The following ATP6V0D2 variants were observed in gnomAD, a reference collection of about 807,000 sequenced individuals.
ATP6V0D2 encodes the protein V-type proton ATPase subunit d 2.
In ATP6V0D2, 40 loss-of-function variants were observed where a neutral mutation model predicts 40.0. That is an observed-to-expected ratio of 1.00 (90% CI 0.78 to 1.30). The LOEUF (loss-of-function observed/expected upper bound fraction) is 1.30. ATP6V0D2 is among the 50% of genes most tolerant of loss of function. ATP6V0D2 has a pLI of 0.00. For missense variants in ATP6V0D2, 470 were observed against 423.1 expected (o/e 1.11, Z -0.97); for synonymous variants, 179 against 156.3 (o/e 1.15, Z -1.08).
chr8:86,115,356 CCATTT>C, intron 2 of ATP6V0D2, among the ~76,000 whole-genome samples: 1 of 106,184 alleles, frequency 9.4e-6, no homozygotes, highest in African/African-American at 4.3e-5. Flanking sequence ...TCCGTATCAT[CCATTT>C]TTTTTTTTTT....
At position 86,152,938 on chromosome 8, in the gene ATP6V0D2, G is replaced by T; in HGVS notation, c.1014G>T (p.Arg338Ser). The change falls in exon 8 of 8, where the codon AGG becomes AGT. Residue 338 changes from arginine to serine, a missense_variant. By Grantham distance (110) the Arg-to-Ser change is moderately radical (BLOSUM62 -1). Coordinates refer to ENST00000285393, the MANE Select transcript of ATP6V0D2 (RefSeq NM_152565.1). Reference protein sequence around the residue: ...IVWIAECISQRHRTKINSYIP... With the variant: ...IVWIAECISQSHRTKINSYIP... Reference sequence around the variant, plus strand: ...GGATAGCAGAATGTATTTCACAGAGGCATCGAACTAAAATCAACAGTTACA... The same window carrying T: ...GGATAGCAGAATGTATTTCACAGAGTCATCGAACTAAAATCAACAGTTACA... 6.2e-7 allele frequency: 1 copy of T among 1,608,298 alleles called. No individual in the cohort carries two copies. The highest frequency in any genetic ancestry group is 8.5e-7 in the Non-Finnish European group (1 of 1,177,928).
chr8:86,107,115 T>C (rs1248029667), intron 1 of ATP6V0D2, among the ~76,000 whole-genome samples: 1 of 151,960 alleles, frequency 6.6e-6, no homozygotes, highest in Non-Finnish European at 1.5e-5. Context: ...GAGATAAAAA[T>C]TCAGAATCCA....
chr8:86,132,272 T>G (rs866604861), intron 2 of ATP6V0D2, among the ~76,000 whole-genome samples: 6 of 152,126 alleles, frequency 3.9e-5, no homozygotes, highest in Admixed American at 6.5e-5. Flanking sequence ...AGTTATAGAA[T>G]GTGTAATGAT....
intron 5 of ATP6V0D2, among the ~76,000 whole-genome samples, chr8:86,149,077 C>CAAAAAAAAAA (rs1819109621): frequency 5.6e-5 from 2 of 35,748 alleles, no homozygotes; most frequent in Non-Finnish European, 5.9e-5. Flanking sequence ...AAAAAAAAAC[C>CAAAAAAAAAA]AATGAACAAG....
intron 5 of ATP6V0D2, among the ~76,000 whole-genome samples, chr8:86,144,578 C>G (rs1408196460): frequency 6.6e-6 from 1 of 152,136 alleles, no homozygotes; most frequent in African/African-American, 2.4e-5. Context: ...TAAAATTTTA[C>G]TTGGTTGATG....
At chr8:86,129,098 T>G (rs1818781730) in intron 2 of ATP6V0D2, among the ~76,000 whole-genome samples, 1 of 152,244 alleles carries the variant, frequency 6.6e-6, no homozygotes, top group Non-Finnish European at 1.5e-5. Flanking sequence ...TCCAAGGCAC[T>G]CTACGAGTGC....
At chr8:86,100,246 C>T (rs1346096071) in intron 1 of ATP6V0D2, among the ~76,000 whole-genome samples, 1 of 151,876 alleles carries the variant, frequency 6.6e-6, no homozygotes, top group African/African-American at 2.4e-5. Context: ...CCAAAGATTC[C>T]ACGTCTGTAA....
chr8:86,152,087 G>A (rs1367363975), intron 7 of ATP6V0D2, among the ~76,000 whole-genome samples: 6 of 150,762 alleles, frequency 4.0e-5, no homozygotes, highest in African/African-American at 1.2e-4. Flanking sequence ...TCCCCCCACC[G>A]ACAGGCCCCA....
chr8:86,151,755 C>CTTTTTTTTTT (rs564476016), intron 7 of ATP6V0D2, among the ~76,000 whole-genome samples: 1 of 85,516 alleles, frequency 1.2e-5, no homozygotes, highest in Non-Finnish European at 3.0e-5. Flanking sequence ...GCTTTTCTTT[C>CTTTTTTTTTT]TTTTTTTTTT....
chr8:86,139,664 G>T (rs1450508008), intron 3 of ATP6V0D2, 29 bp downstream of exon 3: 1 of 1,526,872 alleles, frequency 6.5e-7, no homozygotes, highest in Admixed American at 2.2e-5. Flanking sequence ...TTTTGTAGCT[G>T]CTTGTGTATG....
rs144338172 is a variant in ATP6V0D2, at chr8:86,103,374, G to A, written c.130+4266G>A. Reference sequence around the variant, plus strand: ...TCAAACTCCTAACCCCAGGTGATCCGCCTGCCTTGGCCTCCTAAAGTGCTG... The same window carrying A: ...TCAAACTCCTAACCCCAGGTGATCCACCTGCCTTGGCCTCCTAAAGTGCTG... On this transcript the variant is annotated intron_variant, in intron 1 of 7. Coordinates refer to ENST00000285393, the MANE Select transcript of ATP6V0D2 (RefSeq NM_152565.1). Among the ~76,000 whole-genome samples, 615 of 149,994 alleles carry A rather than the reference G, an allele frequency of 4.1e-3. 2 individuals are homozygous for A. Among genetic ancestry groups the A allele is most frequent in the African/African-American group, 0.014 (584 of 40,766 alleles).
chr8:86,124,923 A>G (rs988462091), intron 2 of ATP6V0D2, among the ~76,000 whole-genome samples: 1 of 152,188 alleles, frequency 6.6e-6, no homozygotes, highest in African/African-American at 2.4e-5. Context: ...ATGCTCAAAA[A>G]ATGTAGCTAA....
chr8:86,152,877 T>C lies in ATP6V0D2; in HGVS notation c.953T>C (p.Val318Ala). The part of the protein sequence containing the change: ...QFHYGVFYAY[V>A]KLKEQEIRNI... ...CACTACGGTGTGTTTTATGCATATG[T>C]AAAGCTGAAGGAACAGGAAATTAGA... Residue 318 changes from valine (V) to alanine (A), a missense_variant, in exon 8 of 8, where the codon GTA (valine) becomes GCA (alanine). Physicochemically the swap from Val to Ala is moderately conservative, Grantham distance 64. Coordinates refer to ENST00000285393, the MANE Select transcript of ATP6V0D2 (RefSeq NM_152565.1). 1 of 1,612,900 alleles carries C rather than the reference T, an allele frequency of 6.2e-7. No individual in the cohort carries two copies. Among genetic ancestry groups the C allele is most frequent in the Non-Finnish European group, 8.5e-7 (1 of 1,179,504 alleles).
intron 4 of ATP6V0D2, 45 bp from the exon 5 acceptor site, chr8:86,142,832 A>AAT: frequency 8.0e-7 from 1 of 1,252,878 alleles, no homozygotes; most frequent in South Asian, 1.3e-5. Context: ...TTTCAAAAGG[A>AAT]ATATATATTC....
chr8:86,147,219 G>A (rs375457702), intron 5 of ATP6V0D2, among the ~76,000 whole-genome samples: 5 of 151,984 alleles, frequency 3.3e-5, no homozygotes, highest in African/African-American at 4.8e-5. Context: ...TGACATCTCC[G>A]CCCACTGCCT....
At position 86,146,420 on chromosome 8, in the gene ATP6V0D2, G is replaced by A. The variant is rs558214677; in HGVS notation, c.639+3466G>A. 2.0e-5 allele frequency among the ~76,000 whole-genome samples: 3 copies of A among 152,164 alleles called. No individual in the cohort carries two copies. In the East Asian group the frequency reaches 5.8e-4, roughly 29 times the overall value. The stretch of plus-strand genomic sequence containing the variant: ...CAGCATTAAAAAAAAATCCAGCTAG[G>A]CATGGTAGTTTATGCCTGTAATCCC... On this transcript the variant is annotated intron_variant, in intron 5 of 7. Coordinates refer to ENST00000285393, the MANE Select transcript of ATP6V0D2 (RefSeq NM_152565.1).
At chr8:86,117,378 C>T (rs1043649564) in intron 2 of ATP6V0D2, among the ~76,000 whole-genome samples, 6 of 152,100 alleles carry the variant, frequency 3.9e-5, no homozygotes, top group African/African-American at 1.4e-4. Flanking sequence ...AATTTATTTT[C>T]GTGTAAAGAA....
intron 7 of ATP6V0D2, among the ~76,000 whole-genome samples, chr8:86,152,456 G>A (rs1321843721): frequency 2.0e-5 from 3 of 152,172 alleles, no homozygotes; most frequent in Non-Finnish European, 4.4e-5. Context: ...GGATCGCTGG[G>A]TCAAATGATA....
chr8:86,117,558 C>T lies in ATP6V0D2; in HGVS notation c.302+3678C>T, dbSNP rs533074269. Among the ~76,000 whole-genome samples, 7 of 152,320 alleles carry T rather than the reference C, an allele frequency of 4.6e-5. No homozygotes were observed. In the South Asian group the frequency reaches 1.5e-3, roughly 32 times the overall value. On this transcript the variant is annotated intron_variant, in intron 2 of 7. Transcript: ENST00000285393. ...ATGTTTCTTGTTTGCCATACTCAGTCCTCCTATCAGCGCTATGGGTTAGGA... is the reference window on the plus strand; with the variant it reads ...ATGTTTCTTGTTTGCCATACTCAGTTCTCCTATCAGCGCTATGGGTTAGGA...
Sources: gnomAD v4.1 joint callset for allele counts (sites outside exome capture counted in the v4.1 genomes callset) on GRCh38, gnomAD v4.1.1 for gene constraint, MANE v1.5 for transcripts, NCBI Gene and HGNC (gene_info 2026-07-23, HGNC 2026-07-21) for gene names.